The following VAV1 variants were observed in gnomAD, a reference collection of about 807,000 sequenced individuals.
VAV1 encodes the protein vav guanine nucleotide exchange factor 1.
A neutral mutation model predicts 128.1 loss-of-function variants in VAV1; 33 were observed. That is an observed-to-expected ratio of 0.26 (90% CI 0.20 to 0.34). The LOEUF (loss-of-function observed/expected upper bound fraction) is 0.34. Ranked by LOEUF, VAV1 falls within the 10% of genes least tolerant of loss-of-function variation. The pLI is 1.00. For synonymous variants in VAV1, 394 were observed against 409.8 expected (o/e 0.96, Z 0.47); for missense variants, 715 against 1,093.7 (o/e 0.65, Z 4.88).
intron 1 of VAV1, among the ~76,000 whole-genome samples, chr19:6,795,559 A>C (rs989322692): frequency 6.6e-6 from 1 of 152,020 alleles, no homozygotes; most frequent in Non-Finnish European, 1.5e-5. Flanking sequence ...GGAGCTGTCA[A>C]TATTGCTATT....
chr19:6,850,581 G>A, intron 23 of VAV1, 89 bp from the exon 24 acceptor site: 2 of 1,264,272 alleles, frequency 1.6e-6, no homozygotes, highest in East Asian at 2.3e-5. Context: ...CCTCCCTGAA[G>A]GGGTCAAGGT....
chr19:6,782,862 G>C (rs935751125), intron 1 of VAV1, among the ~76,000 whole-genome samples: 2 of 151,350 alleles, frequency 1.3e-5, no homozygotes, highest in Non-Finnish European at 2.9e-5. Context: ...CAGCCCGGGT[G>C]ACAGAGTGAG....
chr19:6,822,108 T>C lies in VAV1; in HGVS notation c.450-113T>C. ...GGAGGGACATGGCCTGCCCTTGGAGTCTGAGGTCCCACCCTTGGAGTCTTG... is the reference window on the plus strand; with the variant it reads ...GGAGGGACATGGCCTGCCCTTGGAGCCTGAGGTCCCACCCTTGGAGTCTTG... On this transcript the variant is annotated intron_variant, in intron 4 of 26. Transcript: ENST00000602142. The surrounding 1 kb of genome is among the most constrained non-coding windows in gnomAD (Gnocchi z 5.9). 8.8e-7 allele frequency: 1 copy of C among 1,141,314 alleles called. No homozygotes were observed. 70.7% of individuals were successfully genotyped at this position (1,141,314 alleles called of 1,614,324 possible). A position where few individuals can be genotyped will look rare whatever the true frequency, so the allele number is the denominator to read the frequency against.
chr19:6,810,129 T>C (rs1304740581), intron 1 of VAV1, among the ~76,000 whole-genome samples: 1 of 151,970 alleles, frequency 6.6e-6, no homozygotes, highest in Non-Finnish European at 1.5e-5. Flanking sequence ...CAGTGAGCTA[T>C]GATTGTGCCA....
intron 19 of VAV1, chr19:6,835,775 T>G (rs1040579495): frequency 1.3e-5 from 2 of 152,298 alleles, no homozygotes; most frequent in Admixed American, 6.5e-5. Flanking sequence ...GTTTATTGAT[T>G]GATCAACCTA....
Position 6,772,716 on chromosome 19 carries a change from CTGTCGCTCCACAGGCGAGCAGG to C in VAV1, c.-91_-70del, listed in dbSNP as rs1292196965. On this transcript the variant is annotated 5_prime_UTR_variant, in exon 1 of 27. Transcript: ENST00000602142. The surrounding 1 kb of genome is among the most constrained non-coding windows in gnomAD (Gnocchi z 4.8). ...AAAGAAGAGGAAGTGGTAGCACTAGCTGTCGCTCCACAGGCGAGCAGGGCAGGCGTGCGGGCGGGTGGGTGGT... is the reference window on the plus strand; with the variant it reads ...AAAGAAGAGGAAGTGGTAGCACTAGCGCAGGCGTGCGGGCGGGTGGGTGGT... 7.3e-7 allele frequency: 1 copy of C among 1,366,196 alleles called. No individual in the cohort carries two copies. The highest frequency in any genetic ancestry group is 1.0e-6 in the Non-Finnish European group (1 of 1,001,938). 84.6% of individuals were successfully genotyped at this position (1,366,196 alleles called of 1,614,324 possible).
At chr19:6,806,885 C>T (rs1971408277) in intron 1 of VAV1, among the ~76,000 whole-genome samples, 2 of 152,206 alleles carry the variant, frequency 1.3e-5, no homozygotes. Flanking sequence ...TCTACTGCGT[C>T]CCAGCAGCAG....
At chr19:6,846,057 A>G (rs1296821068) in intron 22 of VAV1, among the ~76,000 whole-genome samples, 1 of 148,944 alleles carries the variant, frequency 6.7e-6, no homozygotes, top group East Asian at 1.9e-4. Flanking sequence ...TATATTATGT[A>G]TAATTAATAT....
intron 20 of VAV1, 46 bp from the exon 21 acceptor site, chr19:6,836,939 G>C: frequency 6.2e-7 from 1 of 1,602,006 alleles, no homozygotes; most frequent in Non-Finnish European, 8.6e-7. Context: ...TGGGGTTATG[G>C]ATCCTATAAC....
intron 1 of VAV1, among the ~76,000 whole-genome samples, chr19:6,797,753 A>G (rs1213684950): frequency 6.6e-6 from 1 of 151,626 alleles, no homozygotes; most frequent in South Asian, 2.1e-4. Flanking sequence ...TAAAAAAAAA[A>G]AAAAAAAAAG....
intron 1 of VAV1, among the ~76,000 whole-genome samples, chr19:6,774,427 C>CTTTTT (rs1002823385): frequency 2.2e-5 from 2 of 91,584 alleles, no homozygotes; most frequent in African/African-American, 5.6e-5. Context: ...CGCGCCCAGC[C>CTTTTT]TTTTTTTTTT....
chr19:6,801,849 G>A (rs1971278876), intron 1 of VAV1, among the ~76,000 whole-genome samples: 1 of 152,138 alleles, frequency 6.6e-6, no homozygotes, highest in Admixed American at 6.6e-5. Context: ...TCTTGGGCAG[G>A]GGTTTTGTTG....
chr19:6,812,089 C>A (rs1214138650), intron 1 of VAV1, among the ~76,000 whole-genome samples: 2 of 152,166 alleles, frequency 1.3e-5, no homozygotes, highest in Non-Finnish European at 2.9e-5. Context: ...ATGACTGCAT[C>A]CACATGCAAG....
At chr19:6,776,076 T>C (rs963438842) in intron 1 of VAV1, among the ~76,000 whole-genome samples, 34 of 111,880 alleles carry the variant, frequency 3.0e-4, no homozygotes, top group East Asian at 5.4e-4. Context: ...ATCCATCCAT[T>C]TATCCATCCA....
intron 1 of VAV1, among the ~76,000 whole-genome samples, chr19:6,787,985 G>A (rs1265482561): frequency 1.3e-5 from 2 of 151,802 alleles, no homozygotes; most frequent in Admixed American, 6.6e-5. Flanking sequence ...GCTGAGGCAG[G>A]AGAATGGCGT....
At chr19:6,835,121 A>G (rs1267401445) in intron 19 of VAV1, among the ~76,000 whole-genome samples, 4 of 151,842 alleles carry the variant, frequency 2.6e-5, no homozygotes, top group African/African-American at 9.7e-5. Flanking sequence ...TGTAATTAGC[A>G]ATAGTCAGTC....
intron 23 of VAV1, among the ~76,000 whole-genome samples, chr19:6,849,191 A>C (rs2144825313): frequency 6.6e-6 from 1 of 151,264 alleles, no homozygotes; most frequent in Middle Eastern, 3.4e-3. Flanking sequence ...GAATGATCCC[A>C]ACACCCAGGG....
At position 6,836,980 on chromosome 19, in the gene VAV1, T is replaced by C; in HGVS notation, c.1915-5T>C. The C allele has an allele frequency of 6.2e-7, 1 of 1,614,072 alleles. No homozygotes were observed. The highest frequency in any genetic ancestry group is 1.6e-4 in the Middle Eastern group (1 of 6,062). ...TGTTCCTGTTTTTGTCTCCTGGGTG[T>C]TTAGGGCAGAAATACATCTACTAAT... On this transcript the variant is annotated splice_polypyrimidine_tract_variant and splice_region_variant and intron_variant, in intron 20 of 26. Coordinates refer to ENST00000602142, the MANE Select transcript of VAV1 (RefSeq NM_005428.4).
intron 1 of VAV1, among the ~76,000 whole-genome samples, chr19:6,778,164 T>C (rs756756224): frequency 5.3e-5 from 8 of 152,166 alleles, no homozygotes; most frequent in African/African-American, 1.2e-4. Flanking sequence ...CTCGAACTCC[T>C]GACCTTAAGT....
Sources: gnomAD v4.1 joint callset for allele counts (sites outside exome capture counted in the v4.1 genomes callset) on GRCh38, gnomAD v4.1.1 for gene constraint, Gnocchi (gnomAD v3.1) non-coding constraint, MANE v1.5 for transcripts, NCBI Gene and HGNC (gene_info 2026-07-23, HGNC 2026-07-21) for gene names.